TNNI3K: variants seen among roughly 807,000 people sequenced by gnomAD.
The protein encoded by TNNI3K is serine/threonine-protein kinase TNNI3K.
In TNNI3K, 140 loss-of-function variants were observed where a neutral mutation model predicts 114.5. That is an observed-to-expected ratio of 1.22 (90% CI 1.07 to 1.41). TNNI3K has a LOEUF of 1.41. Among genes scored for constraint, TNNI3K ranks in the 40% most tolerant of loss-of-function variants. TNNI3K has a pLI of 0.00. For missense variants in TNNI3K, 1,125 were observed against 1,007.6 expected (o/e 1.12, Z -1.58); for synonymous variants, 347 against 347.5 (o/e 1.00, Z 0.02).
chr1:74,529,390 T>C (rs1646551195), intron 23 of TNNI3K, among the ~76,000 whole-genome samples: 1 of 152,182 alleles, frequency 6.6e-6, no homozygotes, highest in Admixed American at 6.5e-5. Context: ...AAGGACATTT[T>C]GCAAAATTAC....
chr1:74,257,804 GCTA>G (rs1655417720), intron 4 of TNNI3K, among the ~76,000 whole-genome samples: 1 of 151,458 alleles, frequency 6.6e-6, no homozygotes, highest in South Asian at 2.1e-4. Context: ...AGTAGCTGGG[GCTA>G]CAGGCGCCCG....
chr1:74,286,281 T>C (rs1657329432), intron 5 of TNNI3K, among the ~76,000 whole-genome samples: 1 of 152,104 alleles, frequency 6.6e-6, no homozygotes, highest in Non-Finnish European at 1.5e-5. Context: ...CCCAGACCTC[T>C]CTCTGGCCCC....
intron 23 of TNNI3K, among the ~76,000 whole-genome samples, chr1:74,530,728 T>G (rs1371263835): frequency 6.6e-6 from 1 of 151,946 alleles, no homozygotes; most frequent in Non-Finnish European, 1.5e-5. Flanking sequence ...AAAAAGTTTT[T>G]TTTTTTTTTT....
rs1387785646 is a variant in TNNI3K at position 74,447,470 on chromosome 1, A to T, written c.2011+7848A>T. 2.8e-5 allele frequency among the ~76,000 whole-genome samples: 4 copies of T among 142,432 alleles called. No individual in the cohort carries two copies. In the East Asian group the frequency reaches 8.1e-4, roughly 29 times the overall value. 93.4% of individuals were successfully genotyped at this position (142,432 alleles called of 152,430 possible). ...CGAAGGACATGAACAGACACTTCTC[A>T]AAAGAAGACATTTATGCAGCCAAAA... On this transcript the variant is annotated intron_variant, in intron 20 of 24. Coordinates refer to ENST00000326637, the MANE Select transcript of TNNI3K (RefSeq NM_015978.3).
chr1:74,270,040 C>G (rs994193327), intron 4 of TNNI3K, among the ~76,000 whole-genome samples: 2 of 151,766 alleles, frequency 1.3e-5, no homozygotes, highest in Non-Finnish European at 2.9e-5. Flanking sequence ...GATAGTTTAC[C>G]TTTAGAAATT....
rs972380969 is a variant in TNNI3K at position 74,277,769 on chromosome 1, G to A, written c.444+6061G>A. 2.6e-5 allele frequency among the ~76,000 whole-genome samples: 4 copies of A among 152,296 alleles called. No homozygotes were observed. In the East Asian group the frequency reaches 7.7e-4, roughly 29 times the overall value. On this transcript the variant is annotated intron_variant, in intron 5 of 24. Transcript: ENST00000326637. ...TGTAAACCAATGTGTAATGTATAGAGGTTGTGGAGTGGTTTTCTTATTACA... is the reference window on the plus strand; with the variant it reads ...TGTAAACCAATGTGTAATGTATAGAAGTTGTGGAGTGGTTTTCTTATTACA...
At chr1:74,240,931 C>G (rs999040244) in intron 2 of TNNI3K, 2 of 152,008 alleles carry the variant, frequency 1.3e-5, no homozygotes, top group Admixed American at 6.6e-5. Flanking sequence ...ATCCCTCCCC[C>G]TCCCCACACC....
At chr1:74,247,084 T>C (rs1007267541) in intron 2 of TNNI3K, among the ~76,000 whole-genome samples, 1 of 152,206 alleles carries the variant, frequency 6.6e-6, no homozygotes, top group Admixed American at 6.5e-5. Flanking sequence ...TTGGTCTCAC[T>C]GACTTCAAGA....
At chr1:74,489,512 G>T (rs1417272620) in intron 22 of TNNI3K, among the ~76,000 whole-genome samples, 1 of 152,136 alleles carries the variant, frequency 6.6e-6, no homozygotes, top group Non-Finnish European at 1.5e-5. Context: ...CTTAAAAATT[G>T]ATAAGTAAAA....
chr1:74,478,502 G>A (rs112403436), intron 21 of TNNI3K, among the ~76,000 whole-genome samples: 40 of 152,096 alleles, frequency 2.6e-4, no homozygotes, highest in African/African-American at 9.4e-4. Context: ...ACTAAAAATT[G>A]CTCTATTATA....
chr1:74,431,918 TTACTC>T (rs1665918542), intron 17 of TNNI3K, among the ~76,000 whole-genome samples: 1 of 152,098 alleles, frequency 6.6e-6, no homozygotes, highest in South Asian at 2.1e-4. Flanking sequence ...ATGCTAAAAA[TTACTC>T]TAAGCATAAA....
chr1:74,513,809 T>G (rs1330258862), intron 23 of TNNI3K, among the ~76,000 whole-genome samples: 1 of 152,212 alleles, frequency 6.6e-6, no homozygotes, highest in Admixed American at 6.5e-5. Flanking sequence ...TCTATTATCC[T>G]GTCAAAGTTT....
intron 23 of TNNI3K, among the ~76,000 whole-genome samples, chr1:74,514,154 T>C (rs1646312022): frequency 1.3e-5 from 2 of 152,214 alleles, no homozygotes; most frequent in Admixed American, 1.3e-4. Flanking sequence ...TAATGCAGAT[T>C]TTATAGAGCA....
intron 21 of TNNI3K, among the ~76,000 whole-genome samples, chr1:74,482,860 T>C (rs1668573396): frequency 6.6e-6 from 1 of 152,234 alleles, no homozygotes; most frequent in South Asian, 2.1e-4. Flanking sequence ...TCTGTTTCAC[T>C]GGTACATCAC....
rs200428708 is a variant in TNNI3K at position 74,489,287 on chromosome 1, C to G, written c.2181+39C>G. The G allele has an allele frequency of 1.3e-3, 2,119 of 1,589,556 alleles. 7 individuals are homozygous for G. Among genetic ancestry groups the G allele is most frequent in the Non-Finnish European group, 1.4e-3 (1,670 of 1,168,428 alleles). ...CTTCTGAAATATGTCCATAAAAAAG[C>G]CCTGCATATCCAAGGCTGTCAGGGA... On this transcript the variant is annotated intron_variant, in intron 22 of 24. Transcript: ENST00000326637.
chr1:74,358,437 G>A (rs1232382640), intron 11 of TNNI3K, among the ~76,000 whole-genome samples: 1 of 152,060 alleles, frequency 6.6e-6, no homozygotes, highest in East Asian at 1.9e-4. Flanking sequence ...ATGTACTATA[G>A]TGTATTCTCT....
chr1:74,475,362 C>G (rs1668144643), intron 21 of TNNI3K: 2 of 716,046 alleles, frequency 2.8e-6, no homozygotes, highest in East Asian at 5.4e-5. Context: ...GATTCCATAG[C>G]TTTTGAACTT....
At chr1:74,435,688 G>C (rs531494739) in intron 17 of TNNI3K, among the ~76,000 whole-genome samples, 33 of 152,010 alleles carry the variant, frequency 2.2e-4, no homozygotes, top group Non-Finnish European at 4.1e-4. Context: ...TGTGCCTAGG[G>C]TTCCAGCAAG....
At chr1:74,516,764 T>C (rs1646354021) in intron 23 of TNNI3K, among the ~76,000 whole-genome samples, 2 of 152,210 alleles carry the variant, frequency 1.3e-5, no homozygotes, top group Non-Finnish European at 2.9e-5. Context: ...ATAATGAATG[T>C]GCCCTCATAT....
Sources: allele counts gnomAD v4.1 joint callset (sites outside exome capture counted in the v4.1 genomes callset), GRCh38; gene constraint gnomAD v4.1.1; transcripts MANE v1.5; gene names NCBI Gene and HGNC (gene_info 2026-07-23, HGNC 2026-07-21).